Variants in LARGE1 observed in about 807,000 individuals in gnomAD.
LARGE1 encodes xylosyl- and glucuronyltransferase LARGE1.
LARGE1 carries 43 observed loss-of-function variants against 87.6 expected under a neutral mutation model. That is an observed-to-expected ratio of 0.49 (90% CI 0.38 to 0.63). LARGE1 has a LOEUF of 0.63. Among genes scored for constraint, LARGE1 ranks in the 30% least tolerant of loss-of-function variants. LARGE1 has a pLI of 0.00. For synonymous variants in LARGE1, 434 were observed against 394.6 expected, an observed-to-expected ratio of 1.10 and a Z score of -1.18; for missense variants, 802 against 1,000.2, an observed-to-expected ratio of 0.80 and a Z score of 2.67.
intron 6 of LARGE1, among the ~76,000 whole-genome samples, chr22:33,468,239 C>G (rs868711666): frequency 1.3e-5 from 2 of 152,324 alleles, no homozygotes; most frequent in South Asian, 4.1e-4. Flanking sequence ...CAAGCCTCAG[C>G]TGAGTTTTGG....
chr22:33,179,536 C>T (rs914000309), intron 11 of LARGE1, among the ~76,000 whole-genome samples: 26 of 152,280 alleles, frequency 1.7e-4, no homozygotes, highest in African/African-American at 2.2e-4. Context: ...CAGTACAAGA[C>T]GCATAGGTAC....
At chr22:33,196,304 A>G (rs1280953709) in intron 11 of LARGE1, among the ~76,000 whole-genome samples, 1 of 152,164 alleles carries the variant, frequency 6.6e-6, no homozygotes, top group East Asian at 1.9e-4. Context: ...CATATAGGAA[A>G]GAAAGCAGAG....
chr22:33,920,622 C>A (rs1170915618), upstream of LARGE1, among the ~76,000 whole-genome samples: 5 of 144,126 alleles, frequency 3.5e-5, no homozygotes, highest in African/African-American at 1.2e-4. Flanking sequence ...GGCGCGGGGC[C>A]GGGGGCGCGG....
intron 11 of LARGE1, among the ~76,000 whole-genome samples, chr22:33,171,412 T>C (rs573664911): frequency 6.6e-6 from 1 of 152,214 alleles, no homozygotes; most frequent in African/African-American, 2.4e-5. Flanking sequence ...GCCAAGACAA[T>C]GAGGAAAATG....
chr22:33,335,648 T>C (rs1440204663), intron 10 of LARGE1, among the ~76,000 whole-genome samples: 2 of 152,228 alleles, frequency 1.3e-5, no homozygotes, highest in African/African-American at 4.8e-5. Context: ...GGCTCCTGCC[T>C]ACCTGAGCCC....
intron 6 of LARGE1, among the ~76,000 whole-genome samples, chr22:33,535,063 G>A (rs1308617354): frequency 6.6e-6 from 1 of 152,200 alleles, no homozygotes; most frequent in Non-Finnish European, 1.5e-5. Context: ...TCTCTTGTCT[G>A]GAGGACAGAA....
At chr22:33,203,781 C>A (rs960924347) in intron 11 of LARGE1, among the ~76,000 whole-genome samples, 3 of 152,178 alleles carry the variant, frequency 2.0e-5, no homozygotes, top group Admixed American at 6.5e-5. Context: ...AAAGCCCACG[C>A]CTCTCAGAGA....
At position 33,392,645 on chromosome 22, in the gene LARGE1, C is replaced by T. The variant is rs541385672; in HGVS notation, c.893-8341G>A. Among the ~76,000 whole-genome samples, 368 of 151,992 alleles carry T rather than the reference C, an allele frequency of 2.4e-3. 1 individual carries two copies. The highest frequency in any genetic ancestry group is 8.5e-3 in the African/African-American group (350 of 41,364). On this transcript the variant is annotated intron_variant, in intron 7 of 14. Coordinates refer to ENST00000397394, the MANE Select transcript of LARGE1 (RefSeq NM_133642.5). ...CTGTACTCCCGCCTGGGCAACACAG[C>T]GAGACTCTGTCTTAAAAACAACAAC...
At chr22:33,215,897 A>G (rs764261673) in intron 11 of LARGE1, among the ~76,000 whole-genome samples, 1 of 152,096 alleles carries the variant, frequency 6.6e-6, no homozygotes, top group Non-Finnish European at 1.5e-5. Context: ...CAGAGGTTGC[A>G]GTGAGCCGAG....
intron 1 of LARGE1, among the ~76,000 whole-genome samples, chr22:33,899,657 T>G (rs1185603423): frequency 1.3e-5 from 2 of 152,186 alleles, no homozygotes; most frequent in Non-Finnish European, 2.9e-5. Context: ...CCCAGTACAG[T>G]GCTTGGCATA....
At chr22:33,805,238 C>G (rs1459009533) in intron 1 of LARGE1, among the ~76,000 whole-genome samples, 1 of 152,218 alleles carries the variant, frequency 6.6e-6, no homozygotes, top group East Asian at 1.9e-4. Flanking sequence ...ACACTTTGGC[C>G]ACTACACTTG....
At chr22:33,659,704 G>A (rs1326845829) in intron 2 of LARGE1, among the ~76,000 whole-genome samples, 1 of 146,004 alleles carries the variant, frequency 6.8e-6, no homozygotes, top group Non-Finnish European at 1.5e-5. Flanking sequence ...TCCAGCAAAG[G>A]CCCTGGAGAC....
At chr22:33,808,894 A>C (rs1483737633) in intron 1 of LARGE1, among the ~76,000 whole-genome samples, 1 of 152,116 alleles carries the variant, frequency 6.6e-6, no homozygotes, top group Non-Finnish European at 1.5e-5. Flanking sequence ...CAAATCCCAG[A>C]CCCATCTTCA....
intron 7 of LARGE1, among the ~76,000 whole-genome samples, chr22:33,423,924 T>C (rs2066783793): frequency 6.6e-6 from 1 of 152,160 alleles, no homozygotes; most frequent in African/African-American, 2.4e-5. Context: ...AAATCTGTAC[T>C]TTAGACTCAA....
chr22:33,730,436 G>T (rs567463121), intron 2 of LARGE1, among the ~76,000 whole-genome samples: 1 of 152,264 alleles, frequency 6.6e-6, no homozygotes, highest in Admixed American at 6.5e-5. Context: ...CACATTGCAT[G>T]CCTGTACCAA....
Position 33,811,370 on chromosome 22 carries a change from G to A in LARGE1, c.-82-49812C>T, listed in dbSNP as rs1013794216. On this transcript the variant is annotated intron_variant, in intron 1 of 14. Transcript: ENST00000397394. The stretch of plus-strand genomic sequence containing the variant: ...CATGAACAAACTAGGCTCCCTTGTG[G>A]GACGCTCGTGGCTGAAGAGAATTTC... Among the ~76,000 whole-genome samples the A allele has an allele frequency of 2.3e-4, 35 of 152,136 alleles. 1 individual carries two copies. Among genetic ancestry groups the A allele is most frequent in the Admixed American group, 2.1e-3 (32 of 15,258 alleles).
chr22:33,323,959 C>T (rs941056077), intron 10 of LARGE1, among the ~76,000 whole-genome samples: 3 of 152,082 alleles, frequency 2.0e-5, no homozygotes, highest in South Asian at 4.1e-4. Flanking sequence ...TGGCCAGATG[C>T]GGTGGCTCAC....
At position 33,627,277 on chromosome 22, in the gene LARGE1, C is replaced by T. The variant is rs1048854533; in HGVS notation, c.409-951G>A. Among the ~76,000 whole-genome samples, 6 of 152,290 alleles carry T rather than the reference C, an allele frequency of 3.9e-5. No individual in the cohort carries two copies. In the South Asian group the frequency reaches 8.3e-4, roughly 21 times the overall value. On this transcript the variant is annotated intron_variant, in intron 3 of 14. Transcript: ENST00000397394. The stretch of plus-strand genomic sequence containing the variant: ...ATGTGTGGCACAACTTGAAAAAGAT[C>T]GGAAAGCACCACTCTAGGGCATCCC...
chr22:33,538,773 A>G (rs1276339294), intron 6 of LARGE1, among the ~76,000 whole-genome samples: 1 of 152,150 alleles, frequency 6.6e-6, no homozygotes, highest in Non-Finnish European at 1.5e-5. Flanking sequence ...ACAAGAGATT[A>G]CTCACTGCCC....
Sources: gnomAD v4.1 joint callset for allele counts (sites outside exome capture counted in the v4.1 genomes callset) on GRCh38, gnomAD v4.1.1 for gene constraint, MANE v1.5 for transcripts, NCBI Gene and HGNC (gene_info 2026-07-23, HGNC 2026-07-21) for gene names.